The following OTOF variants were observed in gnomAD, a reference collection of about 807,000 sequenced individuals.
The protein encoded by OTOF is fer-1-like family member 2.
In OTOF, 218 loss-of-function variants were observed where a neutral mutation model predicts 236.8. The ratio of observed to expected loss-of-function variants is 0.92; its 90% CI spans 0.82 to 1.03. OTOF has a LOEUF of 1.03. Ranked by LOEUF, OTOF falls within the 50% of genes least tolerant of loss-of-function variation. OTOF has a pLI of 0.00. For synonymous variants in OTOF, 1,041 were observed against 1,072.5 expected, an observed-to-expected ratio of 0.97 and a Z score of 0.57; for missense variants, 2,590 against 2,694.4, an observed-to-expected ratio of 0.96 and a Z score of 0.86.
At position 26,467,033 on chromosome 2, in the gene OTOF, G is replaced by C. The variant is rs928464061; in HGVS notation, c.4362+66C>G. ...GCCGGGGCAGTGGTGGGAGGTGAGTGGGGGAACCTGTGGGGGGGGCAAGGG... is the reference window on the plus strand; with the variant it reads ...GCCGGGGCAGTGGTGGGAGGTGAGTCGGGGAACCTGTGGGGGGGGCAAGGG... On this transcript the variant is annotated intron_variant, in intron 35 of 46. Transcript: ENST00000272371. The C allele has an allele frequency of 1.9e-6, 3 of 1,587,050 alleles. No homozygotes were observed. In the Admixed American group the frequency reaches 5.0e-5, roughly 27 times the overall value.
chr2:26,531,438 G>A (rs911898601), intron 2 of OTOF, among the ~76,000 whole-genome samples: 11 of 152,134 alleles, frequency 7.2e-5, no homozygotes, highest in African/African-American at 2.4e-4. Flanking sequence ...GAATCAAATG[G>A]GATCTCACAG....
Position 26,474,644 on chromosome 2 carries a change from C to T in OTOF, c.3157G>A (p.Ala1053Thr), listed in dbSNP as rs148852653. Reference protein sequence around the residue: ...GKADFMGRTFAKPLVKMADEA... With the variant: ...GKADFMGRTFTKPLVKMADEA... The stretch of plus-strand genomic sequence containing the variant: ...TCTGCCATCTTCACCAGGGGTTTGG[C>T]GAAGGTCCGGCCCATGAAGTCAGCT... The change falls in exon 26 of 47, where the codon GCC (alanine) becomes ACC (threonine). Residue 1053 changes from alanine (A) to threonine (T), a missense_variant. Ala to Thr is a moderately conservative substitution (Grantham distance 58, BLOSUM62 0). This residue lies in a region of OTOF where 1,211 missense variants were observed against 1,352.8 expected (regional missense o/e 0.90). Coordinates refer to ENST00000272371, the MANE Select transcript of OTOF (RefSeq NM_194248.3). 10 of 1,613,308 alleles carry T rather than the reference C, an allele frequency of 6.2e-6. No individual in the cohort carries two copies. In the Admixed American group the frequency reaches 6.7e-5, roughly 11 times the overall value.
chr2:26,534,561 A>C (rs1667023150), intron 2 of OTOF, among the ~76,000 whole-genome samples: 1 of 151,794 alleles, frequency 6.6e-6, no homozygotes, highest in African/African-American at 2.4e-5. Flanking sequence ...AGCCCCTCTC[A>C]CCCATGCCTG....
intron 14 of OTOF, among the ~76,000 whole-genome samples, chr2:26,481,355 C>A (rs1325034152): frequency 6.6e-6 from 1 of 152,208 alleles, no homozygotes; most frequent in Non-Finnish European, 1.5e-5. Flanking sequence ...ATTTTTGCAG[C>A]TCTGTCCCAC....
intron 8 of OTOF, among the ~76,000 whole-genome samples, chr2:26,496,487 G>C (rs1665989377): frequency 6.6e-6 from 1 of 151,964 alleles, no homozygotes; most frequent in Admixed American, 6.6e-5. Context: ...TGATCTGCCT[G>C]CCTTGGCCTC....
At position 26,548,795 on chromosome 2, in the gene OTOF, C is replaced by T. The variant is rs539243561; in HGVS notation, c.79+9698G>A. Among the ~76,000 whole-genome samples the T allele has an allele frequency of 3.2e-4, 49 of 152,322 alleles. 1 individual carries two copies. In the South Asian group the frequency reaches 1.0e-2, roughly 31 times the overall value. ...CTAGGTGTGTAGTTGGCTATACCATCTAGCTTTGTGTAAGTACACTCTATG... is the reference window on the plus strand; with the variant it reads ...CTAGGTGTGTAGTTGGCTATACCATTTAGCTTTGTGTAAGTACACTCTATG... On this transcript the variant is annotated intron_variant, in intron 1 of 46. Coordinates refer to ENST00000272371, the MANE Select transcript of OTOF (RefSeq NM_194248.3).
intron 7 of OTOF, 77 bp from the exon 8 acceptor site, chr2:26,501,885 AC>A: frequency 9.7e-7 from 1 of 1,026,166 alleles, no homozygotes; most frequent in South Asian, 1.3e-5. Flanking sequence ...CAGTGGTTAG[AC>A]CTGGGAGTGG....
chr2:26,464,008 C>T lies in OTOF; in HGVS notation c.5059G>A (p.Glu1687Lys), dbSNP rs1407487182. 6.2e-7 allele frequency: 1 copy of T among 1,613,792 alleles called. No homozygotes were observed. Among genetic ancestry groups the T allele is most frequent in the East Asian group, 2.2e-5 (1 of 44,868 alleles). Reference protein sequence around the residue: ...AGCRLVPEHVETRPLLNPDKP... With the variant: ...AGCRLVPEHVKTRPLLNPDKP... Reference sequence around the variant, plus strand: ...TCGGGGTTGAGCAGCGGCCTCGTCTCCACATGCTCTGGCACCAGGCGGCAG... The same window carrying T: ...TCGGGGTTGAGCAGCGGCCTCGTCTTCACATGCTCTGGCACCAGGCGGCAG... Residue 1687 changes from glutamate to lysine, a missense_variant, in exon 40 of 47, where the codon GAG becomes AAG. Around this residue, in one of 2 missense-constraint regions of OTOF, gnomAD observed 1,211 missense variants for 1,352.8 expected, o/e 0.90. Coordinates refer to ENST00000272371, the MANE Select transcript of OTOF (RefSeq NM_194248.3).
At chr2:26,471,557 T>C (rs954586438) in intron 30 of OTOF, among the ~76,000 whole-genome samples, 1 of 152,176 alleles carries the variant, frequency 6.6e-6, no homozygotes, top group Middle Eastern at 3.4e-3. Flanking sequence ...GCCAGGGAAG[T>C]GTCATTTGTG....
At position 26,516,278 on chromosome 2, in the gene OTOF, C is replaced by A. The variant is rs1666521853; in HGVS notation, c.509+140G>T. On this transcript the variant is annotated intron_variant, in intron 5 of 46. Coordinates refer to ENST00000272371, the MANE Select transcript of OTOF (RefSeq NM_194248.3). ...GGGGGCTACAGAAACATCTTCCCAC[C>A]CCTTGGATGTCTCTCCAGAAGCTCA... 1.3e-5 allele frequency: 10 copies of A among 789,592 alleles called. No homozygotes were observed. In the South Asian group the frequency reaches 1.7e-4, roughly 13 times the overall value. 48.9% of individuals were successfully genotyped at this position (789,592 alleles called of 1,614,324 possible). A position where few individuals can be genotyped will look rare whatever the true frequency, so the allele number is the denominator to read the frequency against.
intron 12 of OTOF, among the ~76,000 whole-genome samples, 167 bp downstream of exon 12, chr2:26,484,307 C>T (rs551332396): frequency 6.6e-6 from 1 of 152,230 alleles, no homozygotes; most frequent in Non-Finnish European, 1.5e-5. Flanking sequence ...TCCTCCATCA[C>T]CCCCTGCCCC....
intron 4 of OTOF, among the ~76,000 whole-genome samples, chr2:26,517,395 G>A (rs1441937095): frequency 6.6e-6 from 1 of 152,198 alleles, no homozygotes; most frequent in African/African-American, 2.4e-5. Flanking sequence ...GGAAGGGAAA[G>A]GTGCACATAT....
At chr2:26,512,636 C>T (rs969988104) in intron 5 of OTOF, among the ~76,000 whole-genome samples, 1 of 152,208 alleles carries the variant, frequency 6.6e-6, no homozygotes, top group Non-Finnish European at 1.5e-5. Flanking sequence ...ATACCTGCCC[C>T]TGGGCCAGTA....
At chr2:26,543,013 C>T (rs1006832996) in intron 1 of OTOF, among the ~76,000 whole-genome samples, 8 of 152,202 alleles carry the variant, frequency 5.3e-5, no homozygotes, top group African/African-American at 1.9e-4. Flanking sequence ...TATTTAAAAT[C>T]AGCAAAGCCT....
In OTOF at chr2:26,465,935, C is replaced by A; in HGVS notation, c.4628+14G>T. ...AGTAGGGGTGTGGCAGGGGAGGGCA[C>A]CAAGAAGCCTTACTTCCCAAAGACA... On this transcript the variant is annotated intron_variant, in intron 37 of 46. Coordinates refer to ENST00000272371, the MANE Select transcript of OTOF (RefSeq NM_194248.3). The A allele has an allele frequency of 6.2e-7, 1 of 1,614,178 alleles. No homozygotes were observed. Among genetic ancestry groups the A allele is most frequent in the Non-Finnish European group, 8.5e-7 (1 of 1,180,014 alleles).
Position 26,475,941 on chromosome 2 carries a change from G to C in OTOF, c.2964C>G (p.Phe988Leu), listed in dbSNP as rs748585019. 1.2e-6 allele frequency: 2 copies of C among 1,610,890 alleles called. No homozygotes were observed. Among genetic ancestry groups the C allele is most frequent in the Non-Finnish European group, 1.7e-6 (2 of 1,179,138 alleles). The change falls in exon 24 of 47, where the codon TTC (phenylalanine) becomes TTG (leucine). Residue 988 changes from phenylalanine (F) to leucine (L), a missense_variant. Phe to Leu is a conservative substitution (Grantham distance 22). Transcript: ENST00000272371. Reference sequence around the variant, plus strand: ...CTGTGCACTGACTCTGATTGATGAAGAAGACGCGGGCAAAGGGGTCTGAGA... The same window carrying C: ...CTGTGCACTGACTCTGATTGATGAACAAGACGCGGGCAAAGGGGTCTGAGA... ...SGLSDPFARV[F>L]FINQSQCTEV...
intron 3 of OTOF, among the ~76,000 whole-genome samples, chr2:26,520,514 C>T (rs1327487276): frequency 6.6e-6 from 1 of 152,232 alleles, no homozygotes; most frequent in Non-Finnish European, 1.5e-5. Flanking sequence ...AGAGCCCCAA[C>T]CACCATTGTG....
chr2:26,469,975 A>G (rs1039009730), intron 32 of OTOF, among the ~76,000 whole-genome samples: 10 of 152,222 alleles, frequency 6.6e-5, no homozygotes, highest in African/African-American at 2.4e-4. Context: ...AAAGCAGAGA[A>G]ATGCGCTTTC....
chr2:26,519,164 C>A, intron 3 of OTOF, 55 bp from the exon 4 acceptor site: 2 of 1,157,662 alleles, frequency 1.7e-6, no homozygotes, highest in African/African-American at 1.5e-5. Flanking sequence ...GGGTGAGGAG[C>A]AAGACTGACA....
Sources: gnomAD v4.1 joint callset for allele counts (sites outside exome capture counted in the v4.1 genomes callset) on GRCh38, gnomAD v4.1.1 for gene constraint, gnomAD v4.1.1 regional missense constraint, MANE v1.5 for transcripts, NCBI Gene and HGNC (gene_info 2026-07-23, HGNC 2026-07-21) for gene names.